Variants in RIMS1 observed in about 807,000 individuals in gnomAD.
The protein encoded by RIMS1 is regulating synaptic membrane exocytosis protein 1.
In RIMS1, 83 loss-of-function variants were observed where a neutral mutation model predicts 214.1. The observed-to-expected ratio is 0.39, with a 90% CI of 0.32 to 0.47. The LOEUF (loss-of-function observed/expected upper bound fraction) is 0.47, where lower values mean the gene tolerates loss of function less well. Ranked by LOEUF, RIMS1 falls within the 20% of genes least tolerant of loss-of-function variation. RIMS1 has a pLI of 0.99. For synonymous variants in RIMS1, 793 were observed against 786.8 expected (o/e 1.01, Z -0.13); for missense variants, 2,050 against 2,161.8 (o/e 0.95, Z 1.03).
intron 4 of RIMS1, among the ~76,000 whole-genome samples, chr6:72,120,712 C>T (rs1159546371): frequency 1.3e-5 from 2 of 151,820 alleles, no homozygotes; most frequent in East Asian, 3.9e-4. Context: ...GTGTTTTAGT[C>T]ATGAAGTCCT....
chr6:71,936,102 G>A (rs1217265813), intron 1 of RIMS1, among the ~76,000 whole-genome samples: 1 of 151,860 alleles, frequency 6.6e-6, no homozygotes, highest in Admixed American at 6.6e-5. Flanking sequence ...TGTAATCCCA[G>A]CACTTTGGGA....
rs367975392 is a variant in RIMS1, at chr6:72,261,809, C to A, written c.3116+1042C>A. ...CAGTCTGAAGTTATACTACTCATAA[C>A]TACTGCCATGTTTGCTTGGAGTGCC... On this transcript the variant is annotated intron_variant, in intron 19 of 33. Transcript: ENST00000521978. The A allele has an allele frequency of 8.1e-6, 8 of 985,090 alleles. No individual in the cohort carries two copies. In the East Asian group the frequency reaches 4.5e-4, roughly 56 times the overall value. The allele number at this position is 985,090 out of a possible 1,614,324, so 61.0% of individuals were successfully genotyped here. A position where few individuals can be genotyped will look rare whatever the true frequency, so the allele number is the denominator to read the frequency against.
intron 2 of RIMS1, among the ~76,000 whole-genome samples, chr6:72,067,106 G>A (rs1371694944): frequency 3.9e-5 from 6 of 151,986 alleles, no homozygotes; most frequent in Non-Finnish European, 8.8e-5. Context: ...CCCTACTCTT[G>A]ACTATGGATT....
At chr6:72,216,486 A>G in intron 6 of RIMS1, 1 of 985,400 alleles carries the variant, frequency 1.0e-6, no homozygotes, top group South Asian at 4.7e-5. Context: ...CCAACAATCA[A>G]TTGTGTATAC....
At chr6:72,227,427 GAGTT>G (rs66888454) in intron 6 of RIMS1, among the ~76,000 whole-genome samples, 151,908 of 151,912 alleles carry the variant, frequency 1, 75,952 homozygotes, top group Middle Eastern at 1. Context: ...GGTTCTATGA[GAGTT>G]AGTTACCTTC....
At chr6:72,128,854 C>T (rs568954453) in intron 4 of RIMS1, among the ~76,000 whole-genome samples, 1 of 152,240 alleles carries the variant, frequency 6.6e-6, no homozygotes, top group South Asian at 2.1e-4. Context: ...ATATTTCTTC[C>T]TTCTGTAGCT....
At chr6:72,151,500 C>A (rs1369692697) in intron 4 of RIMS1, among the ~76,000 whole-genome samples, 1 of 152,142 alleles carries the variant, frequency 6.6e-6, no homozygotes, top group Non-Finnish European at 1.5e-5. Flanking sequence ...AGTGAACTAA[C>A]AATAATCTGA....
chr6:72,333,198 G>A (rs925519120), intron 28 of RIMS1, among the ~76,000 whole-genome samples: 24 of 151,862 alleles, frequency 1.6e-4, no homozygotes, highest in African/African-American at 5.1e-4. Context: ...AAGAGTGTAC[G>A]TTTTTAAAAA....
chr6:72,095,116 A>ATTTTTTTTTTTTTTTT (rs71540328), intron 2 of RIMS1, among the ~76,000 whole-genome samples: 6 of 98,950 alleles, frequency 6.1e-5, no homozygotes, highest in East Asian at 3.0e-4. Context: ...ACGCCCGACT[A>ATTTTTTTTTTTTTTTT]TTTTTTTTTT....
At chr6:72,386,167 C>T (rs890685038) in intron 29 of RIMS1, among the ~76,000 whole-genome samples, 5 of 152,128 alleles carry the variant, frequency 3.3e-5, no homozygotes, top group African/African-American at 1.2e-4. Flanking sequence ...TGTAGATATA[C>T]CTTTCTTTAA....
At chr6:71,967,211 A>G (rs1249814132) in intron 1 of RIMS1, among the ~76,000 whole-genome samples, 2 of 151,846 alleles carry the variant, frequency 1.3e-5, no homozygotes, top group Non-Finnish European at 2.9e-5. Context: ...ACATGGTGAA[A>G]CCCCGTCTCT....
intron 27 of RIMS1, among the ~76,000 whole-genome samples, chr6:72,309,328 A>G (rs1489633927): frequency 6.6e-6 from 1 of 152,118 alleles, no homozygotes; most frequent in African/African-American, 2.4e-5. Context: ...AAAATAACTC[A>G]AAATCTTCTA....
In RIMS1 at chr6:72,398,299, G is replaced by A. The variant is rs1451318854; in HGVS notation, c.4669G>A (p.Val1557Ile). The change falls in exon 32 of 34, where the codon GTC becomes ATC. Residue 1557 changes from valine (V) to isoleucine (I), a missense_variant. This residue lies in a region of RIMS1 where 121 missense variants were observed against 187.3 expected (regional missense o/e 0.65). Coordinates refer to ENST00000521978, the MANE Select transcript of RIMS1 (RefSeq NM_014989.7). ...CAAAAAGGGCCAATTAGAAGTGGAA[G>A]TCATTAGAGCACGAAGCCTCACACA... Reference protein sequence around the residue: ...EDKKGQLEVEVIRARSLTQKP... With the variant: ...EDKKGQLEVEIIRARSLTQKP... 3 of 1,609,132 alleles carry A rather than the reference G, an allele frequency of 1.9e-6. No individual in the cohort carries two copies. The highest frequency in any genetic ancestry group is 2.5e-6 in the Non-Finnish European group (3 of 1,177,644).
chr6:72,175,285 C>T (rs933056236), intron 4 of RIMS1: 1 of 215,634 alleles, frequency 4.6e-6, no homozygotes, highest in African/African-American at 2.3e-5. Flanking sequence ...GAATCACAAT[C>T]TCTTTTTCTA....
chr6:71,886,843 G>T lies in RIMS1; in HGVS notation c.-181G>T, dbSNP rs886061704. ...TGGGTGGATGCAAACAACCATGAAA[G>T]ACTGGGTTCTCGCTCTCCCCGGCTC... is the stretch of plus-strand genomic sequence containing the variant. On this transcript the variant is annotated 5_prime_UTR_variant, in exon 1 of 34. Transcript: ENST00000521978. 3 of 658,278 alleles carry T rather than the reference G, an allele frequency of 4.6e-6. No individual in the cohort carries two copies. The highest frequency in any genetic ancestry group is 7.8e-6 in the Non-Finnish European group (3 of 383,944). 40.8% of individuals were successfully genotyped at this position (658,278 alleles called of 1,614,324 possible).
At chr6:72,208,118 G>A (rs906491769) in intron 6 of RIMS1, among the ~76,000 whole-genome samples, 1 of 152,054 alleles carries the variant, frequency 6.6e-6, no homozygotes, top group Non-Finnish European at 1.5e-5. Flanking sequence ...TGCTTTCTCC[G>A]TAATGAAAGA....
intron 2 of RIMS1, among the ~76,000 whole-genome samples, chr6:72,022,486 T>C (rs1407897843): frequency 6.6e-6 from 1 of 152,224 alleles, no homozygotes; most frequent in South Asian, 2.1e-4. Flanking sequence ...TTATATTACA[T>C]ATTTGTTGTA....
chr6:71,898,973 A>G (rs1173832837), intron 1 of RIMS1, among the ~76,000 whole-genome samples: 2 of 152,092 alleles, frequency 1.3e-5, no homozygotes, highest in Non-Finnish European at 2.9e-5. Context: ...ACTATTTGTT[A>G]TAGAAAACTC....
rs768579784 is a variant in RIMS1 at position 72,393,757 on chromosome 6, G to T, written c.4618+947G>T. On this transcript the variant is annotated intron_variant, in intron 31 of 33. Transcript: ENST00000521978. Reference sequence around the variant, plus strand: ...AAAAAAAAAAAATCAGATTCTCATTGAGCTCTTCGTATTTTCATTGGATTC... The same window carrying T: ...AAAAAAAAAAAATCAGATTCTCATTTAGCTCTTCGTATTTTCATTGGATTC... Among the ~76,000 whole-genome samples the T allele has an allele frequency of 5.3e-4, 80 of 151,860 alleles. 1 individual carries two copies. The highest frequency in any genetic ancestry group is 3.1e-3 in the Admixed American group (48 of 15,242).
Sources: gnomAD v4.1 joint callset for allele counts (sites outside exome capture counted in the v4.1 genomes callset) on GRCh38, gnomAD v4.1.1 for gene constraint, gnomAD v4.1.1 regional missense constraint, MANE v1.5 for transcripts, NCBI Gene and HGNC (gene_info 2026-07-23, HGNC 2026-07-21) for gene names.